The following FCRL5 variants were observed in gnomAD, a reference collection of about 807,000 sequenced individuals.
FCRL5 encodes Fc receptor like 5.
A neutral mutation model predicts 92.1 loss-of-function variants in FCRL5; 79 were observed. That is an observed-to-expected ratio of 0.86 (90% confidence interval 0.72 to 1.03). FCRL5 has a LOEUF of 1.03. Among genes scored for constraint, FCRL5 ranks in the 50% least tolerant of loss-of-function variants. FCRL5 has a pLI of 0.00. For synonymous variants in FCRL5, 466 were observed against 469.3 expected (o/e 0.99, Z 0.09); for missense variants, 1,160 against 1,181.1 (o/e 0.98, Z 0.26).
chr1:157,546,861 T>C, intron 3 of FCRL5, 82 bp downstream of exon 3: 1 of 1,515,648 alleles, frequency 6.6e-7, no homozygotes. Flanking sequence ...ATGAAGGGTC[T>C]GAGGTAAACA....
chr1:157,521,762 A>G (rs1431494383), intron 10 of FCRL5: 1 of 153,956 alleles, frequency 6.5e-6, no homozygotes, highest in African/African-American at 2.4e-5. Flanking sequence ...ACTTTGACCC[A>G]ACAAATCTGC....
chr1:157,545,981 A>C lies in FCRL5; in HGVS notation c.308-899T>G, dbSNP rs574955087. Among the ~76,000 whole-genome samples the C allele has an allele frequency of 6.6e-5, 10 of 152,334 alleles. No individual in the cohort carries two copies. In the South Asian group the frequency reaches 2.1e-3, roughly 32 times the overall value. On this transcript the variant is annotated intron_variant, in intron 3 of 16. Transcript: ENST00000361835. ...CTTGCTAGTACACTGCTTCCACTAC[A>C]TTAAAAAATGATGTAACTTCAACTT...
intron 6 of FCRL5, 44 bp from the exon 7 acceptor site, chr1:157,539,408 G>A (rs1284009806): frequency 2.6e-6 from 4 of 1,517,624 alleles, no homozygotes; most frequent in Non-Finnish European, 3.5e-6. Flanking sequence ...TCTGCCTCCT[G>A]CTGTAGTTTT....
Position 157,515,342 on chromosome 1 carries a change from A to C in FCRL5, c.*333T>G. On this transcript the variant is annotated 3_prime_UTR_variant, in exon 17 of 17. Transcript: ENST00000361835. ...AAGGCCCACTCTCCCTTTGTGTGGT[A>C]AGACCCCCTCTGTGGGGGTGTGATG... 1 of 297,080 alleles carries C rather than the reference A, an allele frequency of 3.4e-6. No homozygotes were observed. Among genetic ancestry groups the C allele is most frequent in the Non-Finnish European group, 6.5e-6 (1 of 154,850 alleles). 18.4% of individuals were successfully genotyped at this position (297,080 alleles called of 1,614,324 possible).
chr1:157,542,936 T>G lies in FCRL5; in HGVS notation c.1046A>C (p.Asn349Thr), dbSNP rs376124426. The G allele has an allele frequency of 1.3e-4, 207 of 1,614,212 alleles. No homozygotes were observed. The South Asian group carries it at 2.2e-3, about 17-fold the overall frequency. Reference sequence around the variant, plus strand: ...AGCTGTGCAGTAGTAGTTCCCTGAATTCTCTGTAGTCAGTGAGAAGCTGAT... The same window carrying G: ...AGCTGTGCAGTAGTAGTTCCCTGAAGTCTCTGTAGTCAGTGAGAAGCTGAT... ...ASISFSLTTE[N>T]SGNYYCTADN... The change falls in exon 6 of 17, where the codon AAT (asparagine) becomes ACT (threonine). Residue 349 changes from asparagine to threonine, a missense_variant. Transcript: ENST00000361835.
At chr1:157,545,698 T>G (rs981750764) in intron 3 of FCRL5, among the ~76,000 whole-genome samples, 13 of 152,014 alleles carry the variant, frequency 8.6e-5, no homozygotes, top group African/African-American at 2.9e-4. Context: ...CCGGCTAATT[T>G]TTTGTATTTT....
At chr1:157,523,456 G>C (rs1374251071) in intron 10 of FCRL5, among the ~76,000 whole-genome samples, 1 of 152,172 alleles carries the variant, frequency 6.6e-6, no homozygotes, top group African/African-American at 2.4e-5. Context: ...TATGGGAAGA[G>C]GTGCTTGGCC....
rs1303874168 is a variant in FCRL5 at position 157,515,556 on chromosome 1, A to G, written c.*119T>C. 1 of 1,606,324 alleles carries G rather than the reference A, an allele frequency of 6.2e-7. No homozygotes were observed. Among genetic ancestry groups the G allele is most frequent in the Non-Finnish European group, 8.5e-7 (1 of 1,175,552 alleles). On this transcript the variant is annotated 3_prime_UTR_variant, in exon 17 of 17. Transcript: ENST00000361835. ...CAGACTGAGAATGAGGACATGTGAA[A>G]CAAAGGCCAGTAGATATGGTCTGGG...
rs541283426 is a variant in FCRL5 at position 157,516,286 on chromosome 1, GGGGGAA to G, written c.2813-419_2813-414del. 6.0e-4 allele frequency among the ~76,000 whole-genome samples: 92 copies of G among 152,340 alleles called. 2 individuals are homozygous for G. The highest frequency in any genetic ancestry group is 3.4e-3 in the Middle Eastern group (1 of 294). On this transcript the variant is annotated intron_variant, in intron 15 of 16. Transcript: ENST00000361835. Reference sequence around the variant, plus strand: ...CGCCTGTCTTGTCACCTCCGTGGTTGGGGGAAGTCACTCAACATCTCTTGCCTCAGT... The same window carrying G: ...CGCCTGTCTTGTCACCTCCGTGGTTGGTCACTCAACATCTCTTGCCTCAGT...
At chr1:157,546,316 C>G (rs558184035) in intron 3 of FCRL5, 1 of 437,674 alleles carries the variant, frequency 2.3e-6, no homozygotes, top group South Asian at 1.7e-5. Context: ...GGTGTGATGG[C>G]GGGCTCTTGT....
chr1:157,519,455 T>C (rs1650079171), intron 13 of FCRL5, among the ~76,000 whole-genome samples: 1 of 152,212 alleles, frequency 6.6e-6, no homozygotes, highest in African/African-American at 2.4e-5. Flanking sequence ...TTGGTGGTCA[T>C]AGTGGTCATT....
rs994344016 is a variant in FCRL5, at chr1:157,535,296, A to G, written c.1403-404T>C. Among the ~76,000 whole-genome samples, 10 of 152,334 alleles carry G rather than the reference A, an allele frequency of 6.6e-5. No individual in the cohort carries two copies. The East Asian group carries it at 1.7e-3, about 26-fold the overall frequency. On this transcript the variant is annotated intron_variant, in intron 7 of 16. Transcript: ENST00000361835. Reference sequence around the variant, plus strand: ...TGGCCTGCCCAAGGGGGATTTTCCTATGTCTCTTGACCTTGTGCACATCTG... The same window carrying G: ...TGGCCTGCCCAAGGGGGATTTTCCTGTGTCTCTTGACCTTGTGCACATCTG...
intron 8 of FCRL5, chr1:157,533,385 G>T (rs1176300151): frequency 2.6e-5 from 4 of 151,944 alleles, no homozygotes; most frequent in Non-Finnish European, 5.9e-5. Context: ...TCTCAAATTG[G>T]TTCTTCATTC....
At chr1:157,540,679 TG>T (rs1478095268) in intron 6 of FCRL5, among the ~76,000 whole-genome samples, 1 of 152,216 alleles carries the variant, frequency 6.6e-6, no homozygotes, top group Non-Finnish European at 1.5e-5. Context: ...CTCATATGCA[TG>T]TTTTGTCCAT....
At chr1:157,519,649 A>C in intron 13 of FCRL5, 94 bp downstream of exon 13, 5 of 1,396,396 alleles carry the variant, frequency 3.6e-6, no homozygotes, top group Non-Finnish European at 5.1e-6. Context: ...AGCACCTGGC[A>C]GAAACTGTGC....
At chr1:157,516,217 G>C (rs899253024) in intron 15 of FCRL5, 2 of 411,884 alleles carry the variant, frequency 4.9e-6, no homozygotes, top group Non-Finnish European at 9.1e-6. Context: ...AAGTTTTAGA[G>C]AGCACACTCC....
At chr1:157,523,385 A>G (rs1011672487) in intron 10 of FCRL5, among the ~76,000 whole-genome samples, 1 of 152,240 alleles carries the variant, frequency 6.6e-6, no homozygotes, top group Non-Finnish European at 1.5e-5. Flanking sequence ...AGGACAAAGG[A>G]TGATCATGAT....
intron 10 of FCRL5, chr1:157,523,866 T>G: frequency 4.3e-6 from 1 of 231,954 alleles, no homozygotes; most frequent in Non-Finnish European, 8.3e-6. Flanking sequence ...ACATCCCCAG[T>G]AATGAAAGAG....
intron 6 of FCRL5, among the ~76,000 whole-genome samples, chr1:157,540,570 G>A (rs1571103320): frequency 1.3e-5 from 2 of 149,788 alleles, no homozygotes; most frequent in African/African-American, 4.9e-5. Context: ...AACCCTATTT[G>A]CATTTGCAGT....
Sources: allele counts gnomAD v4.1 joint callset (sites outside exome capture counted in the v4.1 genomes callset), GRCh38; gene constraint gnomAD v4.1.1; transcripts MANE v1.5; gene names NCBI Gene and HGNC (gene_info 2026-07-23, HGNC 2026-07-21).